The following NEMP2 variants were observed in gnomAD, a reference collection of about 807,000 sequenced individuals.
NEMP2 encodes the protein UPF0571 transmembrane protein.
NEMP2 carries 53 observed loss-of-function variants against 54.2 expected under a neutral mutation model. That is an observed-to-expected ratio of 0.98 (90% CI 0.78 to 1.23). The LOEUF is 1.23. NEMP2 is among the 50% of genes most tolerant of loss of function. The pLI is 0.00. For missense variants in NEMP2, 455 were observed against 511.3 expected, an observed-to-expected ratio of 0.89 and a Z score of 1.06; for synonymous variants, 197 against 190.3, an observed-to-expected ratio of 1.04 and a Z score of -0.29.
the NEMP2 span, among the ~76,000 whole-genome samples, chr2:190,486,360 G>A: frequency 1.3e-5 from 2 of 152,192 alleles, no homozygotes; most frequent in African/African-American, 2.4e-5. Flanking sequence ...TGCTGAATAC[G>A]TTAGGGGAGC....
the NEMP2 span, among the ~76,000 whole-genome samples, chr2:190,549,115 G>C: frequency 6.6e-6 from 1 of 152,154 alleles, no homozygotes; most frequent in Non-Finnish European, 1.5e-5. Flanking sequence ...CCACAGCTGA[G>C]TATCACTGTT....
At chr2:190,632,180 T>C in the NEMP2 span, among the ~76,000 whole-genome samples, 28,471 of 152,242 alleles carry the variant, frequency 0.19, 2,821 homozygotes, top group East Asian at 0.28. This position sits in a 1 kb window ranked among gnomAD's most constrained non-coding sequence, Gnocchi z 4.8. Flanking sequence ...AGCTTGACCA[T>C]TTCACTAGTG....
the NEMP2 span, among the ~76,000 whole-genome samples, chr2:190,581,064 C>T: frequency 6.6e-6 from 1 of 152,190 alleles, no homozygotes; most frequent in South Asian, 2.1e-4. Flanking sequence ...TTACTTGCTT[C>T]AACCATCCAC....
chr2:190,521,055 G>A lies in NEMP2; in HGVS notation c.214-1872C>T, dbSNP rs368303540. Among the ~76,000 whole-genome samples, 15 of 152,284 alleles carry A rather than the reference G, an allele frequency of 9.9e-5. No individual in the cohort carries two copies. Among genetic ancestry groups the A allele is most frequent in the East Asian group, 7.7e-4 (4 of 5,180 alleles). Reference sequence around the variant, plus strand: ...CTGCATTTGCATCACCAGTGTGCTAGAGAAGTGCACACTGGTCTCACTTCA... The same window carrying A: ...CTGCATTTGCATCACCAGTGTGCTAAAGAAGTGCACACTGGTCTCACTTCA... On this transcript the variant is annotated intron_variant, in intron 2 of 8. Transcript: ENST00000409150. This position sits in a 1 kb window ranked among gnomAD's most constrained non-coding sequence, Gnocchi z 6.2.
the NEMP2 span, among the ~76,000 whole-genome samples, chr2:190,450,488 C>CTTTTTTTTTTTTTTTTTT: frequency 3.1e-5 from 3 of 97,254 alleles, no homozygotes; most frequent in Non-Finnish European, 3.8e-5. Flanking sequence ...TCTCTTTTTC[C>CTTTTTTTTTTTTTTTTTT]TTTTTTTTTT....
the NEMP2 span, among the ~76,000 whole-genome samples, chr2:190,488,991 C>T: frequency 3.3e-4 from 50 of 152,230 alleles, no homozygotes; most frequent in South Asian, 8.3e-4. This position sits in a 1 kb window ranked among gnomAD's most constrained non-coding sequence, Gnocchi z 6.4. Flanking sequence ...AGTGTGCTTA[C>T]GTTGTTAAGC....
upstream of NEMP2, among the ~76,000 whole-genome samples, chr2:190,538,870 C>T (rs968603243): frequency 2.6e-5 from 4 of 152,154 alleles, no homozygotes; most frequent in Non-Finnish European, 5.9e-5. The surrounding 1 kb of genome is among the most constrained non-coding windows in gnomAD (Gnocchi z 4.1). Context: ...TAATCTCGGT[C>T]AGACAAGTAG....
At chr2:190,644,722 C>G in the NEMP2 span, among the ~76,000 whole-genome samples, 1 of 151,640 alleles carries the variant, frequency 6.6e-6, no homozygotes, top group Non-Finnish European at 1.5e-5. This position sits in a 1 kb window ranked among gnomAD's most constrained non-coding sequence, Gnocchi z 4.4. Flanking sequence ...AAGAAGGAAA[C>G]AACAGACAGC....
the NEMP2 span, among the ~76,000 whole-genome samples, chr2:190,551,066 A>G: frequency 7.0e-6 from 1 of 142,918 alleles, no homozygotes; most frequent in Non-Finnish European, 1.5e-5. Context: ...GCTGGTTTTG[A>G]CTTCATAGCC....
the NEMP2 span, among the ~76,000 whole-genome samples, chr2:190,567,442 A>G: frequency 6.6e-6 from 1 of 152,142 alleles, no homozygotes; most frequent in Non-Finnish European, 1.5e-5. The surrounding 1 kb of genome is among the most constrained non-coding windows in gnomAD (Gnocchi z 4.0). Flanking sequence ...CACAACAAAT[A>G]AAAAACGGCC....
chr2:190,496,823 C>T, the NEMP2 span, among the ~76,000 whole-genome samples: 1 of 152,172 alleles, frequency 6.6e-6, no homozygotes, highest in Non-Finnish European at 1.5e-5. This position sits in a 1 kb window ranked among gnomAD's most constrained non-coding sequence, Gnocchi z 4.7. Flanking sequence ...GAAAACCAAA[C>T]ATCGTATATT....
chr2:190,428,345 A>G, the NEMP2 span, among the ~76,000 whole-genome samples: 7 of 152,318 alleles, frequency 4.6e-5, no homozygotes, highest in African/African-American at 1.2e-4. Context: ...TTTGGTTGTC[A>G]TAGGGTCTTA....
chr2:190,488,800 G>A, the NEMP2 span: 52 of 1,572,658 alleles, frequency 3.3e-5, no homozygotes, highest in Middle Eastern at 1.7e-4. This position sits in a 1 kb window ranked among gnomAD's most constrained non-coding sequence, Gnocchi z 6.4. Context: ...GATCGGAGGC[G>A]TGTTAGTCAA....
At chr2:190,551,652 T>C in the NEMP2 span, among the ~76,000 whole-genome samples, 1 of 152,240 alleles carries the variant, frequency 6.6e-6, no homozygotes, top group Non-Finnish European at 1.5e-5. Context: ...GTCTTTCTTG[T>C]GTAGGGATTT....
the NEMP2 span, among the ~76,000 whole-genome samples, chr2:190,496,681 T>C: frequency 4.0e-5 from 6 of 151,882 alleles, no homozygotes; most frequent in African/African-American, 1.5e-4. This position sits in a 1 kb window ranked among gnomAD's most constrained non-coding sequence, Gnocchi z 4.7. Context: ...TGTGTGTGTA[T>C]ATACACACAC....
At position 190,513,614 on chromosome 2, in the gene NEMP2, C is replaced by T. The variant is rs543913143; in HGVS notation, c.953+839G>A. 4.8e-4 allele frequency among the ~76,000 whole-genome samples: 73 copies of T among 152,370 alleles called. No homozygotes were observed. The highest frequency in any genetic ancestry group is 7.8e-4 in the Admixed American group (12 of 15,306). ...CTGCCATGCATCTGGCCCATGCCCA[C>T]CTTGCTTGCTGCACTGACAGCACTG... On this transcript the variant is annotated intron_variant, in intron 7 of 8. Coordinates refer to ENST00000409150, the MANE Select transcript of NEMP2 (RefSeq NM_001142645.2). This position sits in a 1 kb window ranked among gnomAD's most constrained non-coding sequence, Gnocchi z 5.3.
the NEMP2 span, chr2:190,436,163 A>G: frequency 6.2e-7 from 1 of 1,614,112 alleles, no homozygotes; most frequent in Non-Finnish European, 8.5e-7. The surrounding 1 kb of genome is among the most constrained non-coding windows in gnomAD (Gnocchi z 5.3). Context: ...TCCTCCACAG[A>G]AACATCTGCT....
At chr2:190,484,423 T>C in the NEMP2 span, among the ~76,000 whole-genome samples, 1 of 152,362 alleles carries the variant, frequency 6.6e-6, no homozygotes, top group Admixed American at 6.5e-5. Flanking sequence ...GCATTTTCTT[T>C]TTCTAGTTTA....
At chr2:190,432,207 C>T in the NEMP2 span, among the ~76,000 whole-genome samples, 1 of 152,132 alleles carries the variant, frequency 6.6e-6, no homozygotes, top group Non-Finnish European at 1.5e-5. Flanking sequence ...TTAGGCTAAC[C>T]AGATTTTCTA....
Sources: gnomAD v4.1 joint callset for allele counts (sites outside exome capture counted in the v4.1 genomes callset) on GRCh38, gnomAD v4.1.1 for gene constraint, Gnocchi (gnomAD v3.1) non-coding constraint, MANE v1.5 for transcripts, NCBI Gene and HGNC (gene_info 2026-07-23, HGNC 2026-07-21) for gene names.